Variants in BMPR2 observed in about 807,000 individuals in gnomAD.
The protein encoded by BMPR2 is bone morphogenetic protein receptor type 2, also known as bone morphogenetic protein receptor type-2.
In BMPR2, 29 loss-of-function variants were observed where a neutral mutation model predicts 100.8. The observed-to-expected ratio is 0.29, with a 90% CI of 0.21 to 0.39. The LOEUF (loss-of-function observed/expected upper bound fraction) is 0.39, where lower values mean the gene tolerates loss of function less well. BMPR2 is among the 10% of genes least tolerant of loss of function. The probability of loss-of-function intolerance (pLI) is 1.00; values close to 1 mark genes in which losing one functional copy is unlikely to be tolerated. For missense variants in BMPR2, 1,011 were observed against 1,274.5 expected (o/e 0.79, Z 3.15); for synonymous variants, 382 against 442.3 (o/e 0.86, Z 1.71).
intron 1 of BMPR2, among the ~76,000 whole-genome samples, chr2:202,382,716 TA>T (rs1376098640): frequency 6.6e-6 from 1 of 152,240 alleles, no homozygotes; most frequent in Non-Finnish European, 1.5e-5. Flanking sequence ...ATAAAGTATG[TA>T]GTTTAAGAGG....
intron 1 of BMPR2, among the ~76,000 whole-genome samples, chr2:202,449,892 G>A (rs1282594938): frequency 6.6e-6 from 1 of 152,078 alleles, no homozygotes; most frequent in Non-Finnish European, 1.5e-5. Flanking sequence ...GATTGCCTGA[G>A]GTCAGGAGTT....
chr2:202,430,506 T>C (rs1334820413), intron 1 of BMPR2, among the ~76,000 whole-genome samples: 1 of 152,196 alleles, frequency 6.6e-6, no homozygotes, highest in East Asian at 1.9e-4. Context: ...ATGGGATTAA[T>C]GATGTATATT....
chr2:202,485,792 G>T (rs934318331), intron 3 of BMPR2, among the ~76,000 whole-genome samples: 1 of 151,718 alleles, frequency 6.6e-6, no homozygotes, highest in African/African-American at 2.4e-5. Context: ...TGATTCGCCC[G>T]CCTGGGCCTC....
intron 3 of BMPR2, among the ~76,000 whole-genome samples, chr2:202,512,598 T>A (rs553189363): frequency 6.6e-6 from 1 of 152,338 alleles, no homozygotes; most frequent in Non-Finnish European, 1.5e-5. Context: ...ACCTTCATAG[T>A]TGTACTTGCT....
chr2:202,555,378 T>G lies in BMPR2; in HGVS notation c.1713T>G (p.Ser571=). 6.2e-7 allele frequency: 1 copy of G among 1,614,214 alleles called. No homozygotes were observed. Among genetic ancestry groups the G allele is most frequent in the Non-Finnish European group, 8.5e-7 (1 of 1,180,034 alleles). The change falls in exon 12 of 13, where the codon TCT becomes TCG. Residue 571 remains serine, a synonymous_variant. Transcript: ENST00000374580. ...SIVKNISSEH[S]MSSTPLTIGE... ...TGAAGAATATTTCCTCTGAGCATTC[T>G]ATGTCCAGCACACCTTTGACTATAG...
intron 12 of BMPR2, among the ~76,000 whole-genome samples, chr2:202,559,431 A>G (rs930799695): frequency 2.6e-5 from 4 of 152,196 alleles, no homozygotes; most frequent in Admixed American, 2.6e-4. Context: ...GAGAAGTTTA[A>G]ATGTTCTCCT....
intron 1 of BMPR2, among the ~76,000 whole-genome samples, chr2:202,402,865 GTC>G (rs1690794980): frequency 8.1e-5 from 12 of 147,810 alleles, no homozygotes; most frequent in Non-Finnish European, 1.5e-5. Context: ...TTTCGCTTTT[GTC>G]GTCTAGGCTG....
rs2105993066 is a variant in BMPR2, at chr2:202,503,429, C to T, written c.419-10290C>T. On this transcript the variant is annotated intron_variant, in intron 3 of 12. Transcript: ENST00000374580. The surrounding 1 kb of genome is among the most constrained non-coding windows in gnomAD (Gnocchi z 4.0). ...GGGGCGGCGTGCCGCGCTTGCGGGC[C>T]AGCCGGAGTTCCGGTTGGGCATGGG... 6.6e-6 allele frequency among the ~76,000 whole-genome samples: 1 copy of T among 152,362 alleles called. No homozygotes were observed. Among genetic ancestry groups the T allele is most frequent in the Middle Eastern group, 3.4e-3 (1 of 294 alleles).
chr2:202,436,418 C>T (rs1691616014), intron 1 of BMPR2, among the ~76,000 whole-genome samples: 1 of 150,052 alleles, frequency 6.7e-6, no homozygotes, highest in South Asian at 2.1e-4. Context: ...CGCACTCCAG[C>T]CTGATGGATA....
intron 1 of BMPR2, among the ~76,000 whole-genome samples, chr2:202,423,143 C>T (rs1691304505): frequency 6.6e-6 from 1 of 152,210 alleles, no homozygotes; most frequent in Non-Finnish European, 1.5e-5. Context: ...CCCTCCTCGC[C>T]CACCCAGAGT....
chr2:202,555,920 C>T lies in BMPR2; in HGVS notation c.2255C>T (p.Pro752Leu). ...IYPLPKQQNL[P>L]KRPTSLPLNT... The stretch of plus-strand genomic sequence containing the variant: ...CCTCTCCCCAAGCAGCAGAACCTTC[C>T]CAAGAGACCTACTAGTTTGCCTTTG... The change falls in exon 12 of 13, where the codon CCC becomes CTC. Residue 752 changes from proline to leucine, a missense_variant. Transcript: ENST00000374580. 3.7e-6 allele frequency: 6 copies of T among 1,614,142 alleles called. No individual in the cohort carries two copies. Among genetic ancestry groups the T allele is most frequent in the Non-Finnish European group, 5.1e-6 (6 of 1,180,026 alleles).
At position 202,530,805 on chromosome 2, in the gene BMPR2, C is replaced by T; in HGVS notation, c.979C>T (p.Pro327Ser). 1 of 1,611,746 alleles carries T rather than the reference C, an allele frequency of 6.2e-7. No individual in the cohort carries two copies. Among genetic ancestry groups the T allele is most frequent in the Non-Finnish European group, 8.5e-7 (1 of 1,178,240 alleles). The change falls in exon 8 of 13, where the codon CCT becomes TCT. Residue 327 changes from proline (P) to serine (S), a missense_variant. Coordinates refer to ENST00000374580, the MANE Select transcript of BMPR2 (RefSeq NM_001204.7). ...TELPRGDHYK[P>S]AISHRDLNSR... The stretch of plus-strand genomic sequence containing the variant: ...AATTATCCAAACAGATCATTATAAA[C>T]CTGCAATTTCCCATCGAGATTTAAA...
At position 202,503,099 on chromosome 2, in the gene BMPR2, A is replaced by G. The variant is rs1211420854; in HGVS notation, c.419-10620A>G. Among the ~76,000 whole-genome samples, 1 of 152,230 alleles carries G rather than the reference A, an allele frequency of 6.6e-6. No individual in the cohort carries two copies. The highest frequency in any genetic ancestry group is 2.4e-5 in the African/African-American group (1 of 41,474). On this transcript the variant is annotated intron_variant, in intron 3 of 12. Coordinates refer to ENST00000374580, the MANE Select transcript of BMPR2 (RefSeq NM_001204.7). The surrounding 1 kb of genome is among the most constrained non-coding windows in gnomAD (Gnocchi z 4.0). Reference sequence around the variant, plus strand: ...AGAGAGTTCCCCTCTGAAGGACACTACAACTGCAGAGCCCCTTCTTTGCCC... The same window carrying G: ...AGAGAGTTCCCCTCTGAAGGACACTGCAACTGCAGAGCCCCTTCTTTGCCC...
At chr2:202,462,883 T>C (rs1277650188) in intron 1 of BMPR2, among the ~76,000 whole-genome samples, 1 of 151,996 alleles carries the variant, frequency 6.6e-6, no homozygotes, top group Non-Finnish European at 1.5e-5. Flanking sequence ...GGCTAATTTT[T>C]TGTATTTTTA....
intron 1 of BMPR2, among the ~76,000 whole-genome samples, chr2:202,429,055 C>T (rs1559035696): frequency 2.0e-5 from 3 of 152,068 alleles, no homozygotes; most frequent in African/African-American, 7.2e-5. Flanking sequence ...CCATTTGGCC[C>T]CATAAATATC....
At chr2:202,529,358 T>A (rs1324041134) in intron 7 of BMPR2, among the ~76,000 whole-genome samples, 1 of 152,182 alleles carries the variant, frequency 6.6e-6, no homozygotes, top group African/African-American at 2.4e-5. Flanking sequence ...CATACCCAAA[T>A]AAAGAAAATT....
At chr2:202,398,619 A>G (rs17271393) in intron 1 of BMPR2, among the ~76,000 whole-genome samples, 16,659 of 152,276 alleles carry the variant, frequency 0.11, 1,070 homozygotes, top group Non-Finnish European at 0.14. Context: ...AGTTTTGAAT[A>G]TTCTTGTGGT....
intron 9 of BMPR2, among the ~76,000 whole-genome samples, chr2:202,540,620 T>C (rs1688252178): frequency 6.6e-6 from 1 of 152,200 alleles, no homozygotes; most frequent in Non-Finnish European, 1.5e-5. Context: ...TTGTTTTGAG[T>C]ATTCAAATAG....
At chr2:202,539,293 G>A (rs774086111) in intron 9 of BMPR2, among the ~76,000 whole-genome samples, 3 of 152,148 alleles carry the variant, frequency 2.0e-5, no homozygotes, top group South Asian at 2.1e-4. Flanking sequence ...TTGAATTTGA[G>A]TAGGAGGAGG....
Sources: allele counts gnomAD v4.1 joint callset (sites outside exome capture counted in the v4.1 genomes callset), GRCh38; gene constraint gnomAD v4.1.1; non-coding constraint Gnocchi (gnomAD v3.1); transcripts MANE v1.5; gene names NCBI Gene and HGNC (gene_info 2026-07-23, HGNC 2026-07-21).